Variants in TMEM132B observed in about 807,000 individuals in gnomAD.
The protein encoded by TMEM132B is transmembrane protein 132B.
A neutral mutation model predicts 90.8 loss-of-function variants in TMEM132B; 18 were observed. The ratio of observed to expected loss-of-function variants is 0.20; its 90% CI spans 0.14 to 0.29. The LOEUF is 0.29. Among genes scored for constraint, TMEM132B ranks in the 10% least tolerant of loss-of-function variants. TMEM132B has a pLI of 1.00. For synonymous variants in TMEM132B, 504 were observed against 523.3 expected (o/e 0.96, Z 0.50); for missense variants, 1,096 against 1,326.8 (o/e 0.83, Z 2.70).
At chr12:125,454,375 C>CATGTTT (rs1555250613) in intron 3 of TMEM132B, among the ~76,000 whole-genome samples, 2 of 119,856 alleles carry the variant, frequency 1.7e-5, no homozygotes, top group African/African-American at 7.4e-5. Context: ...TACAGCCAGC[C>CATGTTT]GTGTGTGTGT....
chr12:125,413,024 T>G (rs1879900585), intron 2 of TMEM132B, among the ~76,000 whole-genome samples: 1 of 151,966 alleles, frequency 6.6e-6, no homozygotes, highest in African/African-American at 2.4e-5. Flanking sequence ...AAGGATGTCT[T>G]GGAGTCTGTG....
intron 2 of TMEM132B, among the ~76,000 whole-genome samples, chr12:125,352,993 A>T (rs1877639835): frequency 6.6e-6 from 1 of 152,156 alleles, no homozygotes; most frequent in South Asian, 2.1e-4. Context: ...GTGGTCTAAA[A>T]CCAGTTCTTG....
intron 3 of TMEM132B, among the ~76,000 whole-genome samples, chr12:125,429,871 C>T (rs1043039590): frequency 2.2e-4 from 34 of 152,150 alleles, no homozygotes; most frequent in Non-Finnish European, 2.1e-4. Context: ...TCCCTGCTTC[C>T]CCCCTTTCCA....
At chr12:125,565,186 C>T (rs1376343089) in intron 4 of TMEM132B, among the ~76,000 whole-genome samples, 2 of 152,190 alleles carry the variant, frequency 1.3e-5, no homozygotes, top group African/African-American at 2.4e-5. Flanking sequence ...AGGATTTGCA[C>T]CTGAGGCTTT....
intron 5 of TMEM132B, among the ~76,000 whole-genome samples, chr12:125,597,061 G>A (rs1470713244): frequency 1.3e-5 from 2 of 152,178 alleles, no homozygotes; most frequent in Non-Finnish European, 2.9e-5. Flanking sequence ...GGAGAGATGG[G>A]ACTTTGGCCA....
At chr12:125,391,712 A>G (rs982368700) in intron 2 of TMEM132B, among the ~76,000 whole-genome samples, 2 of 152,138 alleles carry the variant, frequency 1.3e-5, no homozygotes, top group Non-Finnish European at 1.5e-5. Flanking sequence ...CCCAAACCCT[A>G]AAAGAGAGTA....
intron 2 of TMEM132B, among the ~76,000 whole-genome samples, chr12:125,370,807 C>A (rs561013210): frequency 2.0e-5 from 3 of 152,298 alleles, no homozygotes; most frequent in African/African-American, 7.2e-5. Flanking sequence ...ACAGGAAAGG[C>A]AATGTCTTTC....
At chr12:125,456,537 C>T (rs35199356) in intron 3 of TMEM132B, among the ~76,000 whole-genome samples, 1 of 152,054 alleles carries the variant, frequency 6.6e-6, no homozygotes, top group Non-Finnish European at 1.5e-5. Flanking sequence ...CTCTGTGGGG[C>T]TTTGCCTGCT....
intron 4 of TMEM132B, among the ~76,000 whole-genome samples, chr12:125,527,716 CCACCCTTCCATCCACCCATT>C (rs1251188131): frequency 4.8e-5 from 7 of 147,080 alleles, no homozygotes; most frequent in Non-Finnish European, 8.9e-5. Flanking sequence ...ATCCACCCAT[CCACCCTTCCATCCACCCATT>C]CACCCTTCCA....
intron 2 of TMEM132B, among the ~76,000 whole-genome samples, chr12:125,359,852 G>A (rs2136248222): frequency 6.6e-6 from 1 of 152,322 alleles, no homozygotes; most frequent in Admixed American, 6.5e-5. Flanking sequence ...GGCCGAGGCA[G>A]GCAGATCCTG....
At chr12:125,527,818 A>C (rs759657989) in intron 4 of TMEM132B, among the ~76,000 whole-genome samples, 4 of 152,250 alleles carry the variant, frequency 2.6e-5, no homozygotes, top group African/African-American at 4.8e-5. Flanking sequence ...CCAAACGGTG[A>C]ATAGCAAACA....
chr12:125,544,712 A>G (rs948111721), intron 4 of TMEM132B, among the ~76,000 whole-genome samples: 2 of 152,220 alleles, frequency 1.3e-5, no homozygotes, highest in African/African-American at 4.8e-5. Flanking sequence ...GCAAGAAGCC[A>G]TATAGGATCA....
chr12:125,595,836 C>T (rs2136906203), intron 5 of TMEM132B, among the ~76,000 whole-genome samples: 1 of 150,448 alleles, frequency 6.6e-6, no homozygotes, highest in East Asian at 2.0e-4. Context: ...AACCCAGCCC[C>T]ATTGGAGCAA....
intron 1 of TMEM132B, among the ~76,000 whole-genome samples, chr12:125,217,448 C>CTTTG (rs994296702): frequency 6.6e-6 from 1 of 152,114 alleles, no homozygotes; most frequent in African/African-American, 2.4e-5. Flanking sequence ...TCGCTTAATT[C>CTTTG]TTTGTTTGTT....
intron 5 of TMEM132B, among the ~76,000 whole-genome samples, chr12:125,593,074 A>G (rs1357004086): frequency 6.6e-6 from 1 of 152,148 alleles, no homozygotes; most frequent in Non-Finnish European, 1.5e-5. Context: ...CCATTATTCT[A>G]TTTCTGGGCA....
At chr12:125,331,599 A>G (rs1876774586) in intron 1 of TMEM132B, among the ~76,000 whole-genome samples, 1 of 152,166 alleles carries the variant, frequency 6.6e-6, no homozygotes, top group Non-Finnish European at 1.5e-5. Flanking sequence ...CAGGAGCTGT[A>G]CAGATGCCAG....
intron 3 of TMEM132B, among the ~76,000 whole-genome samples, chr12:125,515,322 TACAG>T (rs1883094692): frequency 6.6e-6 from 1 of 151,538 alleles, no homozygotes; most frequent in African/African-American, 2.4e-5. Flanking sequence ...CATGTTCTCT[TACAG>T]AAACAACACA....
intron 3 of TMEM132B, among the ~76,000 whole-genome samples, chr12:125,457,716 C>T (rs1322596311): frequency 1.3e-5 from 2 of 152,146 alleles, no homozygotes; most frequent in South Asian, 2.1e-4. Flanking sequence ...GGAGAGCATC[C>T]TGGGGCAGAG....
At chr12:125,642,101 G>T (rs1336983725) in intron 5 of TMEM132B, among the ~76,000 whole-genome samples, 1 of 152,166 alleles carries the variant, frequency 6.6e-6, no homozygotes, top group East Asian at 1.9e-4. Context: ...AGGTCTTACT[G>T]AGCCTTCACC....
Sources: gnomAD v4.1 joint callset for allele counts (sites outside exome capture counted in the v4.1 genomes callset) on GRCh38, gnomAD v4.1.1 for gene constraint, MANE v1.5 for transcripts, NCBI Gene and HGNC (gene_info 2026-07-23, HGNC 2026-07-21) for gene names.